DCTN6: variants seen among roughly 807,000 people sequenced by gnomAD.
The protein encoded by DCTN6 is dynactin subunit 6, also known as dynactin 6.
DCTN6 carries 15 observed loss-of-function variants against 25.8 expected under a neutral mutation model. The ratio of observed to expected loss-of-function variants is 0.58; its 90% CI spans 0.39 to 0.89. The LOEUF (loss-of-function observed/expected upper bound fraction) is 0.89. Among genes scored for constraint, DCTN6 ranks in the 40% least tolerant of loss-of-function variants. The pLI, the probability that DCTN6 is intolerant of heterozygous loss-of-function variation, is 0.00. For missense variants in DCTN6, 198 were observed against 237.6 expected, an observed-to-expected ratio of 0.83 and a Z score of 1.09; for synonymous variants, 64 against 78.3, an observed-to-expected ratio of 0.82 and a Z score of 0.96.
intron 2 of DCTN6, among the ~76,000 whole-genome samples, chr8:30,166,988 G>C (rs1443604960): frequency 2.7e-5 from 4 of 148,708 alleles, no homozygotes; most frequent in African/African-American, 9.9e-5. Flanking sequence ...AAGGAAGGGA[G>C]GAAGGAAAGG....
At chr8:30,159,773 T>C (rs1161787337) in intron 1 of DCTN6, among the ~76,000 whole-genome samples, 2 of 151,564 alleles carry the variant, frequency 1.3e-5, no homozygotes, top group Admixed American at 1.3e-4. Flanking sequence ...CTTTTTTTTT[T>C]TTTTTTGAGA....
At chr8:30,180,789 T>C in intron 6 of DCTN6, 159 bp downstream of exon 6, 1 of 908,950 alleles carries the variant, frequency 1.1e-6, no homozygotes, top group East Asian at 2.7e-5. Context: ...TCTAGCACTT[T>C]GGGAGGCCGA....
intron 6 of DCTN6, 85 bp downstream of exon 6, chr8:30,180,715 A>T: frequency 6.9e-7 from 1 of 1,451,098 alleles, no homozygotes. Flanking sequence ...CAGCAGGTAC[A>T]CTATTTAAGA....
intron 1 of DCTN6, among the ~76,000 whole-genome samples, chr8:30,163,883 G>T (rs928493107): frequency 1.3e-5 from 2 of 152,068 alleles, no homozygotes; most frequent in African/African-American, 2.4e-5. Flanking sequence ...TGTATTTTTA[G>T]TAGAGATGGG....
chr8:30,158,632 T>G (rs1266210508), intron 1 of DCTN6, among the ~76,000 whole-genome samples: 5 of 151,872 alleles, frequency 3.3e-5, no homozygotes, highest in African/African-American at 1.2e-4. Context: ...TTTCTTCTAA[T>G]CTTACTAAAA....
intron 2 of DCTN6, among the ~76,000 whole-genome samples, chr8:30,172,276 G>A (rs937245237): frequency 4.6e-5 from 7 of 151,970 alleles, no homozygotes; most frequent in African/African-American, 1.5e-4. Flanking sequence ...CCATTAAAAA[G>A]AATATCTATC....
Position 30,183,461 on chromosome 8 carries a change from CCTTGACAAGAAAAGACATA to C in DCTN6, c.*291_*309del, listed in dbSNP as rs1296026731. ...AAATTTTAGTTATGTAAAAGGCTAC[CCTTGACAAGAAAAGACATA>C]CTGTCATGTATTTATATTCTAGCAT... On this transcript the variant is annotated 3_prime_UTR_variant, in exon 7 of 7. Transcript: ENST00000221114. 5 of 236,140 alleles carry C rather than the reference CCTTGACAAGAAAAGACATA, an allele frequency of 2.1e-5. No homozygotes were observed. Among genetic ancestry groups the C allele is most frequent in the Non-Finnish European group, 4.1e-5 (5 of 122,264 alleles). 14.6% of individuals were successfully genotyped at this position (236,140 alleles called of 1,614,324 possible).
intron 2 of DCTN6, among the ~76,000 whole-genome samples, chr8:30,164,701 TTC>T (rs2117580296): frequency 6.6e-6 from 1 of 152,368 alleles, no homozygotes; most frequent in African/African-American, 2.4e-5. Context: ...CAGAGGTTTA[TTC>T]TCTCATATAA....
chr8:30,173,916 G>C (rs936246114), intron 2 of DCTN6, among the ~76,000 whole-genome samples: 12 of 152,066 alleles, frequency 7.9e-5, no homozygotes, highest in African/African-American at 2.9e-4. Context: ...ATGGATATTG[G>C]AGAGAGCCTA....
intron 1 of DCTN6, among the ~76,000 whole-genome samples, chr8:30,158,846 A>G (rs1355580819): frequency 6.9e-6 from 1 of 144,890 alleles, no homozygotes; most frequent in Non-Finnish European, 1.5e-5. Context: ...CAGTGGCACA[A>G]TCTCTGCTCA....
chr8:30,162,697 A>G (rs982418361), intron 1 of DCTN6, among the ~76,000 whole-genome samples: 7 of 152,336 alleles, frequency 4.6e-5, no homozygotes, highest in Middle Eastern at 3.4e-3. Context: ...GAATATAAAA[A>G]AGCATCAATA....
At chr8:30,166,311 TTTTC>T (rs1803674511) in intron 2 of DCTN6, among the ~76,000 whole-genome samples, 1 of 151,716 alleles carries the variant, frequency 6.6e-6, no homozygotes, top group Non-Finnish European at 1.5e-5. Flanking sequence ...TTGGTTTTTT[TTTTC>T]TTTCTTTTTT....
Position 30,183,353 on chromosome 8 carries a change from AT to A in DCTN6, c.*181del, listed in dbSNP as rs1803935373. On this transcript the variant is annotated 3_prime_UTR_variant, in exon 7 of 7. Coordinates refer to ENST00000221114, the MANE Select transcript of DCTN6 (RefSeq NM_006571.4). ...TAACTGTCCTTTGTAATTTATATAAATGTATTATTTTCCTATATCCTTGGTT... is the reference window on the plus strand; with the variant it reads ...TAACTGTCCTTTGTAATTTATATAAAGTATTATTTTCCTATATCCTTGGTT... 4.7e-6 allele frequency: 2 copies of A among 426,052 alleles called. No homozygotes were observed. The highest frequency in any genetic ancestry group is 8.4e-5 in the Admixed American group (2 of 23,824). The allele number at this position is 426,052 out of a possible 1,614,324, so 26.4% of individuals were successfully genotyped here.
intron 3 of DCTN6, among the ~76,000 whole-genome samples, chr8:30,176,388 C>T (rs978815501): frequency 1.3e-5 from 2 of 151,918 alleles, no homozygotes; most frequent in Middle Eastern, 3.4e-3. Context: ...AAAAATTAGC[C>T]GGGCGTGGTG....
chr8:30,179,403 T>C lies in DCTN6; in HGVS notation c.284-5T>C. 6.2e-7 allele frequency: 1 copy of C among 1,610,934 alleles called. No individual in the cohort carries two copies. Among genetic ancestry groups the C allele is most frequent in the Non-Finnish European group, 8.5e-7 (1 of 1,178,138 alleles). On this transcript the variant is annotated splice_region_variant and splice_polypyrimidine_tract_variant and intron_variant, in intron 4 of 6. Transcript: ENST00000221114. The stretch of plus-strand genomic sequence containing the variant: ...TTGTAGTATTTACCTAACTCTGGCT[T>C]ACAGATTCCCAAGCCATGAAGATGG...
Position 30,182,169 on chromosome 8 carries a change from T to C in DCTN6, c.475-906T>C, listed in dbSNP as rs927574991. Among the ~76,000 whole-genome samples the C allele has an allele frequency of 5.4e-4, 82 of 152,334 alleles. 1 individual carries two copies. Among genetic ancestry groups the C allele is most frequent in the African/African-American group, 1.9e-3 (78 of 41,574 alleles). The stretch of plus-strand genomic sequence containing the variant: ...GTGAGCAAGAATATCTGAAGCTTTA[T>C]ATTTTATAATATGCCTAAATTTCAC... On this transcript the variant is annotated intron_variant, in intron 6 of 6. Transcript: ENST00000221114.
intron 5 of DCTN6, 129 bp downstream of exon 5, chr8:30,179,584 CT>C: frequency 1.0e-5 from 7 of 688,710 alleles, no homozygotes; most frequent in Non-Finnish European, 1.6e-5. Context: ...AGCTGGCGAA[CT>C]AATTGTTTGC....
intron 3 of DCTN6, 37 bp from the exon 4 acceptor site, chr8:30,177,089 A>G (rs1169286653): frequency 6.5e-7 from 1 of 1,543,690 alleles, no homozygotes; most frequent in African/African-American, 1.4e-5. Context: ...TTATTGTGTT[A>G]TTGACTTTTT....
intron 2 of DCTN6, among the ~76,000 whole-genome samples, chr8:30,173,731 T>TAAAAAAAAAAA (rs371782984): frequency 4.2e-5 from 4 of 96,048 alleles, no homozygotes; most frequent in African/African-American, 1.4e-4. Context: ...CCCTGTCTCT[T>TAAAAAAAAAAA]AAAAAAAAAA....
Sources: gnomAD v4.1 joint callset for allele counts (sites outside exome capture counted in the v4.1 genomes callset) on GRCh38, gnomAD v4.1.1 for gene constraint, MANE v1.5 for transcripts, NCBI Gene and HGNC (gene_info 2026-07-23, HGNC 2026-07-21) for gene names.